The following ZKSCAN4 variants were observed in gnomAD, a reference collection of about 807,000 sequenced individuals.
The protein encoded by ZKSCAN4 is zinc finger protein with KRAB and SCAN domains 4.
ZKSCAN4 carries 23 observed loss-of-function variants against 30.8 expected under a neutral mutation model. The observed-to-expected ratio is 0.75, with a 90% CI of 0.54 to 1.06. The LOEUF is 1.06. Ranked by LOEUF, ZKSCAN4 falls within the 50% of genes least tolerant of loss-of-function variation. The pLI is 0.00. For missense variants in ZKSCAN4, 556 were observed against 665.4 expected (o/e 0.84, Z 1.81); for synonymous variants, 208 against 252.5 (o/e 0.82, Z 1.67).
upstream of ZKSCAN4, among the ~76,000 whole-genome samples, chr6:28,252,538 TA>T (rs1414186396): frequency 6.6e-6 from 1 of 151,844 alleles, no homozygotes; most frequent in Non-Finnish European, 1.5e-5. Flanking sequence ...AAATTGACAC[TA>T]AAATTGAGCT....
At chr6:28,250,191 C>A (rs1001704871) in intron 1 of ZKSCAN4, among the ~76,000 whole-genome samples, 1 of 152,064 alleles carries the variant, frequency 6.6e-6, no homozygotes, top group African/African-American at 2.4e-5. Context: ...CCTCAGCCTC[C>A]CTAGTAGCTG....
In ZKSCAN4 at chr6:28,245,373, T is replaced by A. The variant is rs768097039; in HGVS notation, c.1381A>T (p.Asn461Tyr). ...TCCCAGGACTCCCCGTGCTCAGGAT[T>A]CTGAACATTTTTATCACCATGAATC... ...QRIHGDKNVQ[N>Y]PEHGESWESQ... The change falls in exon 5 of 5, where the codon AAT becomes TAT. Residue 461 changes from asparagine (N) to tyrosine (Y), a missense_variant. By Grantham distance (143) the Asn-to-Tyr change is moderately radical. Around this residue, in one of 3 missense-constraint regions of ZKSCAN4, gnomAD observed 433 missense variants for 511.5 expected, o/e 0.85. Coordinates refer to ENST00000377294, the MANE Select transcript of ZKSCAN4 (RefSeq NM_019110.5). The A allele has an allele frequency of 4.3e-6, 7 of 1,614,230 alleles. No homozygotes were observed. Among genetic ancestry groups the A allele is most frequent in the Non-Finnish European group, 5.1e-6 (6 of 1,180,040 alleles).
At position 28,242,991 on chromosome 6, in the gene ZKSCAN4, T is replaced by G. The variant is rs1561852991; in HGVS notation, c.*2125A>C. ...TTCACATATATCTCTTCATGTAACATCAGAAACAAATATCACAGAAAAGTT... is the reference window on the plus strand; with the variant it reads ...TTCACATATATCTCTTCATGTAACAGCAGAAACAAATATCACAGAAAAGTT... On this transcript the variant is annotated 3_prime_UTR_variant, in exon 5 of 5. Transcript: ENST00000377294. Among the ~76,000 whole-genome samples the G allele has an allele frequency of 6.6e-6, 1 of 152,146 alleles. No homozygotes were observed. The highest frequency in any genetic ancestry group is 2.4e-5 in the African/African-American group (1 of 41,424).
chr6:28,249,084 G>C lies in ZKSCAN4; in HGVS notation c.571+603C>G, dbSNP rs1182048994. On this transcript the variant is annotated intron_variant, in intron 2 of 4. Coordinates refer to ENST00000377294, the MANE Select transcript of ZKSCAN4 (RefSeq NM_019110.5). The surrounding 1 kb of genome is among the most constrained non-coding windows in gnomAD (Gnocchi z 4.1). ...GCATGTCCAAGTGTTGTATGTCTTA[G>C]GAATCGGCCCAGATGTTCACAGCAG... is the stretch of plus-strand genomic sequence containing the variant. 2.0e-5 allele frequency among the ~76,000 whole-genome samples: 3 copies of C among 152,156 alleles called. No individual in the cohort carries two copies. The highest frequency in any genetic ancestry group is 4.4e-5 in the Non-Finnish European group (3 of 68,026).
Position 28,242,587 on chromosome 6 carries a change from T to A in ZKSCAN4, c.*2529A>T, listed in dbSNP as rs921412157. On this transcript the variant is annotated 3_prime_UTR_variant, in exon 5 of 5. Transcript: ENST00000377294. The stretch of plus-strand genomic sequence containing the variant: ...TGAGTCCATTCAGCTTTCTAACATG[T>A]CACCCTGTCCATATAATAACAGCTT... Among the ~76,000 whole-genome samples, 25 of 152,228 alleles carry A rather than the reference T, an allele frequency of 1.6e-4. No homozygotes were observed. The highest frequency in any genetic ancestry group is 4.8e-4 in the African/African-American group (20 of 41,462).
upstream of ZKSCAN4, among the ~76,000 whole-genome samples, chr6:28,253,994 T>C (rs536904193): frequency 1.3e-5 from 2 of 152,294 alleles, no homozygotes; most frequent in East Asian, 3.9e-4. The surrounding 1 kb of genome is among the most constrained non-coding windows in gnomAD (Gnocchi z 4.2). Context: ...GTTTGAGAGT[T>C]AAGGAATTAA....
Position 28,247,030 on chromosome 6 carries a change from T to C in ZKSCAN4, c.717A>G (p.Ser239=), listed in dbSNP as rs1760767749. The C allele has an allele frequency of 1.9e-6, 3 of 1,613,434 alleles. No individual in the cohort carries two copies. Among genetic ancestry groups the C allele is most frequent in the African/African-American group, 1.3e-5 (1 of 75,032 alleles). Residue 239 remains serine, a synonymous_variant, in exon 4 of 5, where the codon TCA becomes TCG. Transcript: ENST00000377294. ...TLTPGWTQLD[S]SQVNLYRDEK... is the part of the protein sequence containing the mutation. Reference sequence around the variant, plus strand: ...CATCTCTGTAGAGGTTCACCTGAGATGAATCCAGCTGTGTCCACCCAGGAG... The same window carrying C: ...CATCTCTGTAGAGGTTCACCTGAGACGAATCCAGCTGTGTCCACCCAGGAG...
chr6:28,248,008 G>A (rs376398218), intron 3 of ZKSCAN4, 59 bp downstream of exon 3: 21 of 1,287,732 alleles, frequency 1.6e-5, no homozygotes, highest in African/African-American at 2.9e-5. Flanking sequence ...AACTTAATGC[G>A]GAGCCCAACA....
chr6:28,245,964 G>A lies in ZKSCAN4; in HGVS notation c.790C>T (p.Gln264Ter). The A allele has an allele frequency of 6.2e-7, 1 of 1,614,154 alleles. No individual in the cohort carries two copies. The highest frequency in any genetic ancestry group is 1.1e-5 in the South Asian group (1 of 91,088). Residue 264 changes from glutamine to a stop codon, truncating the protein, a stop_gained, in exon 5 of 5, where the codon CAG (glutamine) becomes TAG (stop). Coordinates refer to ENST00000377294, the MANE Select transcript of ZKSCAN4 (RefSeq NM_019110.5). LOFTEE classifies it low-confidence loss of function (END_TRUNC). The stretch of plus-strand genomic sequence containing the variant: ...GGAGGCAAGTCCCTGCTCTTAGTCT[G>A]TATTTCACCACCTGAAACAACAAAT... ...SSLVSLGGEIQTKSRDLPPVK... is the reference protein window; with the variant it reads ...SSLVSLGGEI
In ZKSCAN4 at chr6:28,242,607, C is replaced by T. The variant is rs1356184375; in HGVS notation, c.*2509G>A. On this transcript the variant is annotated 3_prime_UTR_variant, in exon 5 of 5. Coordinates refer to ENST00000377294, the MANE Select transcript of ZKSCAN4 (RefSeq NM_019110.5). ...ACATGTCACCCTGTCCATATAATAA[C>T]AGCTTGCACAGCTGGAAGCATCCTT... 6.6e-6 allele frequency among the ~76,000 whole-genome samples: 1 copy of T among 152,200 alleles called. No homozygotes were observed. The highest frequency in any genetic ancestry group is 1.5e-5 in the Non-Finnish European group (1 of 68,030).
chr6:28,247,045 C>A lies in ZKSCAN4; in HGVS notation c.702G>T (p.Trp234Cys). 6.2e-7 allele frequency: 1 copy of A among 1,613,076 alleles called. No individual in the cohort carries two copies. The highest frequency in any genetic ancestry group is 8.5e-7 in the Non-Finnish European group (1 of 1,179,566). Residue 234 changes from tryptophan (W) to cysteine (C), a missense_variant, in exon 4 of 5, where the codon TGG becomes TGT. This residue lies in a region of ZKSCAN4 where 433 missense variants were observed against 511.5 expected (regional missense o/e 0.85). Transcript: ENST00000377294. ...TCACCTGAGATGAATCCAGCTGTGT[C>A]CACCCAGGAGTGAGGGTCAGGGCCA... ...EDVALTLTPG[W>C]TQLDSSQVNL...
intron 4 of ZKSCAN4, 125 bp downstream of exon 4, chr6:28,246,844 G>A: frequency 8.4e-7 from 1 of 1,189,390 alleles, no homozygotes; most frequent in Non-Finnish European, 1.2e-6. Flanking sequence ...TCAGTAACAG[G>A]CTTTCAGGAA....
chr6:28,244,029 C>G lies in ZKSCAN4; in HGVS notation c.*1087G>C, dbSNP rs1049090532. On this transcript the variant is annotated 3_prime_UTR_variant, in exon 5 of 5. Coordinates refer to ENST00000377294, the MANE Select transcript of ZKSCAN4 (RefSeq NM_019110.5). ...TCTATCCTCATAGGCTGCCTCTAAC[C>G]TGATCTTCCTGTCCCCAACTGACAG... Among the ~76,000 whole-genome samples, 1 of 152,114 alleles carries G rather than the reference C, an allele frequency of 6.6e-6. No homozygotes were observed. Among genetic ancestry groups the G allele is most frequent in the Non-Finnish European group, 1.5e-5 (1 of 68,020 alleles).
intron 2 of ZKSCAN4, among the ~76,000 whole-genome samples, chr6:28,248,469 TTTTTG>T (rs1482009816): frequency 6.6e-6 from 1 of 152,116 alleles, no homozygotes; most frequent in Non-Finnish European, 1.5e-5. Context: ...GGGTTTTTTG[TTTTTG>T]TTTTGTTTTG....
intron 4 of ZKSCAN4, among the ~76,000 whole-genome samples, chr6:28,246,651 C>T (rs567724617): frequency 2.6e-5 from 4 of 152,242 alleles, no homozygotes; most frequent in Admixed American, 6.5e-5. Flanking sequence ...GAAGAGGCCC[C>T]CCCCTCCCCG....
chr6:28,246,937 A>ACT, intron 4 of ZKSCAN4, 32 bp downstream of exon 4: 1 of 1,585,916 alleles, frequency 6.3e-7, no homozygotes, highest in Non-Finnish European at 8.6e-7. Context: ...AATGCCAAGA[A>ACT]ATCTTAAGAC....
rs1761034401 is a variant in ZKSCAN4 at position 28,252,151 on chromosome 6, C to A, written c.-171G>T. On this transcript the variant is annotated 5_prime_UTR_variant, in exon 1 of 5. Coordinates refer to ENST00000377294, the MANE Select transcript of ZKSCAN4 (RefSeq NM_019110.5). ...CAGCTGCACAGATCTCTCTTATAGTCCGTGCCTTTGCAGGGTCGTCCTCTG... is the reference window on the plus strand; with the variant it reads ...CAGCTGCACAGATCTCTCTTATAGTACGTGCCTTTGCAGGGTCGTCCTCTG... 6 of 577,796 alleles carry A rather than the reference C, an allele frequency of 1.0e-5. No individual in the cohort carries two copies. The highest frequency in any genetic ancestry group is 1.7e-5 in the Non-Finnish European group (6 of 356,028). 35.8% of individuals were successfully genotyped at this position (577,796 alleles called of 1,614,324 possible). A position where few individuals can be genotyped will look rare whatever the true frequency, so the allele number is the denominator to read the frequency against.
intron 4 of ZKSCAN4, among the ~76,000 whole-genome samples, chr6:28,246,503 G>A (rs1293017423): frequency 6.6e-6 from 1 of 152,078 alleles, no homozygotes; most frequent in Non-Finnish European, 1.5e-5. Flanking sequence ...AGCCCCCACT[G>A]TGCCACAAAT....
upstream of ZKSCAN4, among the ~76,000 whole-genome samples, chr6:28,253,964 T>C (rs1402435437): frequency 6.6e-6 from 1 of 152,144 alleles, no homozygotes; most frequent in Non-Finnish European, 1.5e-5. The surrounding 1 kb of genome is among the most constrained non-coding windows in gnomAD (Gnocchi z 4.2). Context: ...CTTTCCTAGG[T>C]GATTCCAACA....
Sources: gnomAD v4.1 joint callset for allele counts (sites outside exome capture counted in the v4.1 genomes callset) on GRCh38, gnomAD v4.1.1 for gene constraint, gnomAD v4.1.1 regional missense constraint, Gnocchi (gnomAD v3.1) non-coding constraint, MANE v1.5 for transcripts, NCBI Gene and HGNC (gene_info 2026-07-23, HGNC 2026-07-21) for gene names.